METTL15: variants seen among roughly 807,000 people sequenced by gnomAD.
METTL15 encodes methyltransferase 15, mitochondrial 12S rRNA N4-cytidine, also known as 12S rRNA N(4)-cytidine methyltransferase METTL15.
METTL15 carries 34 observed loss-of-function variants against 38.3 expected under a neutral mutation model. The ratio of observed to expected loss-of-function variants is 0.89; its 90% CI spans 0.68 to 1.18. The LOEUF (loss-of-function observed/expected upper bound fraction) is 1.18. METTL15 is among the 50% of genes most tolerant of loss of function. The pLI, the probability that METTL15 is intolerant of heterozygous loss-of-function variation, is 0.00. For synonymous variants in METTL15, 162 were observed against 170.9 expected, an observed-to-expected ratio of 0.95 and a Z score of 0.41; for missense variants, 438 against 498.4, an observed-to-expected ratio of 0.88 and a Z score of 1.15.
At chr11:28,325,212 C>T (rs141688090) in intron 6 of METTL15, among the ~76,000 whole-genome samples, 15 of 152,336 alleles carry the variant, frequency 9.8e-5, no homozygotes, top group East Asian at 3.9e-4. Context: ...TCCCATGTTA[C>T]GGCTACATGG....
intron 3 of METTL15, among the ~76,000 whole-genome samples, chr11:28,189,352 AACAAAGCCT>A (rs1851617546): frequency 6.6e-6 from 1 of 151,306 alleles, no homozygotes; most frequent in African/African-American, 2.4e-5. Context: ...CAAAGAATGG[AACAAAGCCT>A]ACAGAATGTT....
intron 4 of METTL15, among the ~76,000 whole-genome samples, chr11:28,213,088 A>AT (rs1852710347): frequency 6.6e-6 from 1 of 152,182 alleles, no homozygotes; most frequent in Non-Finnish European, 1.5e-5. Context: ...GACCTGCGAC[A>AT]TGTATTCCAA....
intron 3 of METTL15, among the ~76,000 whole-genome samples, chr11:28,201,010 C>T (rs1371111116): frequency 6.6e-6 from 1 of 152,088 alleles, no homozygotes; most frequent in Non-Finnish European, 1.5e-5. Context: ...GGAACACTTC[C>T]AGCTTTTGCC....
intron 5 of METTL15, among the ~76,000 whole-genome samples, chr11:28,411,380 A>T (rs749830750): frequency 6.6e-6 from 1 of 152,096 alleles, no homozygotes. Context: ...CTGGCATAAA[A>T]ACAGAAATAT....
chr11:28,491,007 G>C (rs1851489904), intron 6 of METTL15, among the ~76,000 whole-genome samples: 1 of 152,152 alleles, frequency 6.6e-6, no homozygotes, highest in Admixed American at 6.6e-5. Flanking sequence ...TTCCCAATGA[G>C]TTATTGCTCA....
At chr11:28,226,231 T>G (rs1472222021) in intron 4 of METTL15, among the ~76,000 whole-genome samples, 1 of 151,920 alleles carries the variant, frequency 6.6e-6, no homozygotes, top group Non-Finnish European at 1.5e-5. Flanking sequence ...TTTTCCTAAC[T>G]CACTCCACTG....
At chr11:28,368,089 A>G (rs149556329) in intron 5 of METTL15, among the ~76,000 whole-genome samples, 3,340 of 150,568 alleles carry the variant, frequency 0.022, 72 homozygotes, top group South Asian at 0.08. Flanking sequence ...GCCAAAATAG[A>G]CAAATGGGAT....
In METTL15 at chr11:28,510,915, T is replaced by C. The variant is rs1041529450; in HGVS notation, c.*425-15563T>C. Among the ~76,000 whole-genome samples, 6 of 152,230 alleles carry C rather than the reference T, an allele frequency of 3.9e-5. No homozygotes were observed. In the South Asian group the frequency reaches 6.2e-4, roughly 16 times the overall value. On this transcript the variant is annotated intron_variant and NMD_transcript_variant, in intron 6 of 7. Coordinates refer to the METTL15 transcript ENST00000532947. ...GTCTGTCTGGGCACTAATTTGGAAA[T>C]GACAAGTTGGACAGGCTGGGGTTGG...
At chr11:28,429,350 G>GCCCTCTCCCTCTCTCTCT (rs1850891958) in intron 6 of METTL15, among the ~76,000 whole-genome samples, 2 of 33,334 alleles carry the variant, frequency 6.0e-5, no homozygotes, top group African/African-American at 2.6e-4. Context: ...GTAAACAGTA[G>GCCCTCTCCCTCTCTCTCT]CCCTCTCCCT....
At chr11:28,112,387 C>A (rs893232920) in intron 2 of METTL15, among the ~76,000 whole-genome samples, 1 of 152,060 alleles carries the variant, frequency 6.6e-6, no homozygotes, top group African/African-American at 2.4e-5. Flanking sequence ...TAACTAATAA[C>A]CTGTAAGGAA....
At chr11:28,495,839 C>G (rs1484273785) in intron 6 of METTL15, among the ~76,000 whole-genome samples, 2 of 151,360 alleles carry the variant, frequency 1.3e-5, no homozygotes, top group Non-Finnish European at 2.9e-5. Flanking sequence ...CTGGAAAGCT[C>G]AGAGAAAAGG....
chr11:28,504,002 C>A (rs1851606393), intron 6 of METTL15, among the ~76,000 whole-genome samples: 1 of 151,448 alleles, frequency 6.6e-6, no homozygotes, highest in Non-Finnish European at 1.5e-5. Context: ...TCAAGACCAG[C>A]CTGACCAACA....
At chr11:28,473,643 G>A (rs1851320219) in intron 6 of METTL15, among the ~76,000 whole-genome samples, 1 of 152,058 alleles carries the variant, frequency 6.6e-6, no homozygotes, top group East Asian at 1.9e-4. Flanking sequence ...GCAACTATGG[G>A]CCAATCAGAA....
chr11:28,127,153 GAT>G (rs1035491328), intron 3 of METTL15, among the ~76,000 whole-genome samples: 1 of 152,026 alleles, frequency 6.6e-6, no homozygotes, highest in African/African-American at 2.4e-5. Flanking sequence ...TTTTTAAAAA[GAT>G]AATTCTCTCT....
intron 3 of METTL15, among the ~76,000 whole-genome samples, chr11:28,173,951 G>T (rs749855922): frequency 6.6e-6 from 1 of 152,166 alleles, no homozygotes; most frequent in Non-Finnish European, 1.5e-5. Flanking sequence ...CATGTCAAGG[G>T]TATGTACTAT....
At chr11:28,438,657 T>G (rs537816037) in intron 6 of METTL15, among the ~76,000 whole-genome samples, 1 of 149,212 alleles carries the variant, frequency 6.7e-6, no homozygotes, top group South Asian at 2.1e-4. Context: ...GCTTTTTTTT[T>G]CTTTTTTCTT....
intron 5 of METTL15, among the ~76,000 whole-genome samples, chr11:28,369,214 T>C (rs1386306537): frequency 1.3e-5 from 2 of 151,444 alleles, no homozygotes; most frequent in Non-Finnish European, 2.9e-5. Context: ...GAAGAAAGAA[T>C]CAGCAAACTC....
At chr11:28,189,419 T>C (rs571780449) in intron 3 of METTL15, among the ~76,000 whole-genome samples, 1 of 151,420 alleles carries the variant, frequency 6.6e-6, no homozygotes, top group African/African-American at 2.4e-5. Flanking sequence ...TCAAATATTA[T>C]TTTTGAAGAA....
chr11:28,267,700 G>A (rs931938659), intron 4 of METTL15, among the ~76,000 whole-genome samples: 1 of 152,066 alleles, frequency 6.6e-6, no homozygotes, highest in Admixed American at 6.6e-5. Context: ...GTATACCAAT[G>A]AAACAATATG....
Sources: allele counts gnomAD v4.1 joint callset (sites outside exome capture counted in the v4.1 genomes callset), GRCh38; gene constraint gnomAD v4.1.1; transcripts MANE v1.5; gene names NCBI Gene and HGNC (gene_info 2026-07-23, HGNC 2026-07-21).